The following IGSF10 variants were observed in gnomAD, a reference collection of about 807,000 sequenced individuals.
The protein encoded by IGSF10 is calvaria mechanical force protein 608.
A neutral mutation model predicts 128.2 loss-of-function variants in IGSF10; 126 were observed. That is an observed-to-expected ratio of 0.98 (90% CI 0.85 to 1.14). IGSF10 has a LOEUF of 1.14. Among genes scored for constraint, IGSF10 ranks in the 50% most tolerant of loss-of-function variants. The pLI, the probability that IGSF10 is intolerant of heterozygous loss-of-function variation, is 0.00. For synonymous variants in IGSF10, 1,185 were observed against 1,146.2 expected (o/e 1.03, Z -0.68); for missense variants, 3,295 against 3,149.8 (o/e 1.05, Z -1.10).
At chr3:151,508,591 T>C in the IGSF10 span, among the ~76,000 whole-genome samples, 2 of 152,200 alleles carry the variant, frequency 1.3e-5, no homozygotes, top group Non-Finnish European at 2.9e-5. Flanking sequence ...TAAATGACTA[T>C]TGTTTTACAG....
At chr3:151,537,117 T>C in the IGSF10 span, among the ~76,000 whole-genome samples, 1 of 152,176 alleles carries the variant, frequency 6.6e-6, no homozygotes, top group Non-Finnish European at 1.5e-5. Flanking sequence ...AATTTTTGGG[T>C]AAGCCATCTC....
the IGSF10 span, among the ~76,000 whole-genome samples, chr3:151,546,657 T>C: frequency 4.6e-5 from 7 of 152,156 alleles, no homozygotes; most frequent in Non-Finnish European, 1.0e-4. Context: ...GGCAACATTA[T>C]ATACACATAA....
chr3:151,537,762 C>G, the IGSF10 span, among the ~76,000 whole-genome samples: 28 of 152,166 alleles, frequency 1.8e-4, no homozygotes, highest in Non-Finnish European at 3.2e-4. Flanking sequence ...GTCAAGCTCT[C>G]TGATCTGTAA....
At chr3:151,496,917 C>A in the IGSF10 span, among the ~76,000 whole-genome samples, 18 of 152,144 alleles carry the variant, frequency 1.2e-4, no homozygotes, top group Non-Finnish European at 2.1e-4. Context: ...ATTTGCATTT[C>A]TCTGATGGCC....
chr3:151,497,405 T>A, the IGSF10 span, among the ~76,000 whole-genome samples: 1 of 152,330 alleles, frequency 6.6e-6, no homozygotes, highest in East Asian at 1.9e-4. Context: ...GCTAGCCAGT[T>A]TTCCCAGCAC....
intron 7 of IGSF10, among the ~76,000 whole-genome samples, chr3:151,442,380 ATTTTTT>A (rs3975405): frequency 8.0e-6 from 1 of 124,538 alleles, no homozygotes; most frequent in African/African-American, 3.2e-5. Context: ...TACAATTACT[ATTTTTT>A]TTTTTTTTTT....
rs991667140 is a variant in IGSF10 at position 151,443,644 on chromosome 3, C to T, written c.5303G>A (p.Arg1768Lys). 9 of 1,614,104 alleles carry T rather than the reference C, an allele frequency of 5.6e-6. No individual in the cohort carries two copies. Among genetic ancestry groups the T allele is most frequent in the African/African-American group, 1.3e-5 (1 of 74,934 alleles). Residue 1768 changes from arginine (R) to lysine (K), a missense_variant, in exon 7 of 8, where the codon AGA (arginine) becomes AAA (lysine). Physicochemically the swap from Arg to Lys is conservative, Grantham distance 26. Coordinates refer to ENST00000282466, the MANE Select transcript of IGSF10 (RefSeq NM_178822.5). ...HSGSTVELKC[R>K]AEGRPSPTVT... The stretch of plus-strand genomic sequence containing the variant: ...TGTAGGGCTTGGCCTACCTTCTGCT[C>T]TGCACTTCAGTTCCACAGTGCTTCC...
In IGSF10 at chr3:151,448,336, A is replaced by G. The variant is rs146828199; in HGVS notation, c.1645T>C (p.Tyr549His). The change falls in exon 6 of 8, where the codon TAT becomes CAT. Residue 549 changes from tyrosine to histidine, a missense_variant. Tyr to His is a moderately conservative substitution (Grantham distance 83, BLOSUM62 2). Coordinates refer to ENST00000282466, the MANE Select transcript of IGSF10 (RefSeq NM_178822.5). ...QMADSFDTGV[Y>H]HCISSNYDDA... ...TCATAATTGCTGCTTATACAGTGAT[A>G]TACGCCTGTGTCAAAACTATCAGCC... 170 of 1,614,090 alleles carry G rather than the reference A, an allele frequency of 1.1e-4. No homozygotes were observed. The highest frequency in any genetic ancestry group is 3.0e-5 in the Non-Finnish European group (35 of 1,180,020).
chr3:151,453,681 T>G lies in IGSF10; in HGVS notation c.418A>C (p.Asn140His). 3 of 1,613,312 alleles carry G rather than the reference T, an allele frequency of 1.9e-6. No individual in the cohort carries two copies. Among genetic ancestry groups the G allele is most frequent in the African/African-American group, 2.7e-5 (2 of 75,044 alleles). The change falls in exon 5 of 8, where the codon AAT becomes CAT. Residue 140 changes from asparagine (N) to histidine (H), a missense_variant. Physicochemically the swap from Asn to His is moderately conservative, Grantham distance 68. Transcript: ENST00000282466. ...ACCTCTGGGTTTATAAACTCAATAT[T>G]GTTGTGGTCCATGTGCAATCGTGTC... ...SLTRLHMDHN[N>H]IEFINPEVFY...
the IGSF10 span, among the ~76,000 whole-genome samples, chr3:151,505,641 A>G: frequency 1.3e-5 from 2 of 152,198 alleles, no homozygotes; most frequent in African/African-American, 2.4e-5. Flanking sequence ...CTTTCTAAAG[A>G]TATGTTACAG....
the IGSF10 span, among the ~76,000 whole-genome samples, chr3:151,535,952 G>T: frequency 1.3e-5 from 2 of 152,176 alleles, no homozygotes; most frequent in Non-Finnish European, 2.9e-5. Context: ...TCCAGCTGCA[G>T]CTTCTTGCTG....
At chr3:151,487,265 C>T in the IGSF10 span, among the ~76,000 whole-genome samples, 1 of 152,124 alleles carries the variant, frequency 6.6e-6, no homozygotes, top group Non-Finnish European at 1.5e-5. Context: ...CATACACCCT[C>T]CCAAGACTAA....
At chr3:151,591,223 T>C in the IGSF10 span, among the ~76,000 whole-genome samples, 7 of 151,838 alleles carry the variant, frequency 4.6e-5, no homozygotes, top group Non-Finnish European at 7.4e-5. Context: ...TTTTTTTCTA[T>C]AATTTATTTA....
In IGSF10 at chr3:151,446,060, A is replaced by G; in HGVS notation, c.3921T>C (p.Ser1307=). ...MLPSIISKDS[S]TKSIISTQTA... The stretch of plus-strand genomic sequence containing the variant: ...TTTGCGTTGATATGATGCTTTTTGT[A>G]CTTGAGTCTTTGCTTATAATACTAG... Residue 1307 remains serine, a synonymous_variant, in exon 6 of 8, where the codon AGT becomes AGC. Transcript: ENST00000282466. The G allele has an allele frequency of 6.2e-7, 1 of 1,614,058 alleles. No individual in the cohort carries two copies. The highest frequency in any genetic ancestry group is 8.5e-7 in the Non-Finnish European group (1 of 1,180,014).
the IGSF10 span, among the ~76,000 whole-genome samples, chr3:151,594,442 T>C: frequency 6.7e-6 from 1 of 149,914 alleles, no homozygotes; most frequent in South Asian, 2.1e-4. Flanking sequence ...CACGCCATTC[T>C]CCTGCCTCAG....
chr3:151,521,143 A>C, the IGSF10 span, among the ~76,000 whole-genome samples: 1 of 151,976 alleles, frequency 6.6e-6, no homozygotes, highest in Admixed American at 6.6e-5. Flanking sequence ...AGGGCATTAC[A>C]TAATGGTAAA....
At chr3:151,455,348 G>C (rs926740095) in intron 4 of IGSF10, among the ~76,000 whole-genome samples, 48 of 79,712 alleles carry the variant, frequency 6.0e-4, no homozygotes, top group African/African-American at 2.3e-3. Flanking sequence ...CCAACCTCAG[G>C]TGATCTGCCC....
At chr3:151,550,969 C>T in the IGSF10 span, among the ~76,000 whole-genome samples, 1 of 152,146 alleles carries the variant, frequency 6.6e-6, no homozygotes, top group Non-Finnish European at 1.5e-5. Context: ...TCCCCATTGG[C>T]TCTCACTCCT....
the IGSF10 span, among the ~76,000 whole-genome samples, chr3:151,564,215 A>G: frequency 6.6e-6 from 1 of 152,174 alleles, no homozygotes; most frequent in Non-Finnish European, 1.5e-5. Flanking sequence ...TATTAAATAC[A>G]TATTTTTAGG....
Sources: gnomAD v4.1 joint callset for allele counts (sites outside exome capture counted in the v4.1 genomes callset) on GRCh38, gnomAD v4.1.1 for gene constraint, MANE v1.5 for transcripts, NCBI Gene and HGNC (gene_info 2026-07-23, HGNC 2026-07-21) for gene names.